Variants in XRCC1 observed in about 807,000 individuals in gnomAD.
XRCC1 encodes the protein DNA repair protein XRCC1.
In XRCC1, 52 loss-of-function variants were observed where a neutral mutation model predicts 83.3. The observed-to-expected ratio is 0.62, with a 90% CI of 0.50 to 0.79. The LOEUF is 0.79. XRCC1 is among the 30% of genes least tolerant of loss of function. The pLI, the probability that XRCC1 is intolerant of heterozygous loss-of-function variation, is 0.00. For synonymous variants in XRCC1, 281 were observed against 312.6 expected, an observed-to-expected ratio of 0.90 and a Z score of 1.07; for missense variants, 793 against 823.5, an observed-to-expected ratio of 0.96 and a Z score of 0.45.
chr19:43,544,247 A>G lies in XRCC1; in HGVS notation c.1622-13T>C, dbSNP rs767447284. On this transcript the variant is annotated splice_polypyrimidine_tract_variant and intron_variant, in intron 14 of 16. Coordinates refer to ENST00000262887, the MANE Select transcript of XRCC1 (RefSeq NM_006297.3). ...CCCTGGAAGAAATCTGCAGGAGAGAAGGGGGCTAAGGTAAGCATGAGGCCC... is the reference window on the plus strand; with the variant it reads ...CCCTGGAAGAAATCTGCAGGAGAGAGGGGGGCTAAGGTAAGCATGAGGCCC... 1 of 1,598,748 alleles carries G rather than the reference A, an allele frequency of 6.3e-7. No individual in the cohort carries two copies. The highest frequency in any genetic ancestry group is 8.5e-7 in the Non-Finnish European group (1 of 1,172,038).
intron 2 of XRCC1, among the ~76,000 whole-genome samples, chr19:43,567,603 C>T (rs1365276332): frequency 1.3e-5 from 2 of 151,978 alleles, no homozygotes; most frequent in African/African-American, 2.4e-5. Flanking sequence ...TGAGCTACCG[C>T]ATCTGGCTGA....
In XRCC1 at chr19:43,551,568, T is replaced by C. The variant is rs1208286009; in HGVS notation, c.1199+3A>G. 4 of 1,613,406 alleles carry C rather than the reference T, an allele frequency of 2.5e-6. No individual in the cohort carries two copies. The highest frequency in any genetic ancestry group is 3.4e-6 in the Non-Finnish European group (4 of 1,179,400). On this transcript the variant is annotated splice_donor_region_variant and intron_variant, in intron 10 of 16. Coordinates refer to ENST00000262887, the MANE Select transcript of XRCC1 (RefSeq NM_006297.3). ...GGAGCAGGGTTGGCGTGTGAGGCCT[T>C]ACCTCTGGGAGGGCAGCCGCCGACG...
intron 3 of XRCC1, among the ~76,000 whole-genome samples, chr19:43,559,429 G>A (rs752571895): frequency 5.8e-4 from 74 of 126,918 alleles, no homozygotes; most frequent in Non-Finnish European, 8.0e-4. Context: ...GCAGTGAGCC[G>A]AGATCGCGCC....
intron 4 of XRCC1, 179 bp from the exon 5 acceptor site, chr19:43,553,862 C>T: frequency 1.9e-6 from 1 of 534,540 alleles, no homozygotes; most frequent in East Asian, 2.9e-5. Context: ...ATGACTGAGC[C>T]CTAACTCTGA....
At chr19:43,546,182 G>A in intron 12 of XRCC1, 76 bp from the exon 13 acceptor site, 2 of 1,551,392 alleles carry the variant, frequency 1.3e-6, no homozygotes, top group Non-Finnish European at 1.8e-6. Context: ...GTATGGCACA[G>A]ACCCAGGCAT....
chr19:43,548,487 T>A (rs1245327815), intron 10 of XRCC1, among the ~76,000 whole-genome samples: 2 of 152,182 alleles, frequency 1.3e-5, no homozygotes, highest in African/African-American at 4.8e-5. Flanking sequence ...AACCCTGTGC[T>A]CTCTGAAACA....
chr19:43,575,344 C>G (rs1972845855), intron 1 of XRCC1, 64 bp downstream of exon 1: 1 of 1,511,906 alleles, frequency 6.6e-7, no homozygotes, highest in East Asian at 2.3e-5. Context: ...CCCAAAAGCT[C>G]TTTTAAGAGC....
Position 43,544,248 on chromosome 19 carries a change from G to A in XRCC1, c.1622-14C>T, listed in dbSNP as rs1360460786. ...CCTGGAAGAAATCTGCAGGAGAGAAGGGGGCTAAGGTAAGCATGAGGCCCC... is the reference window on the plus strand; with the variant it reads ...CCTGGAAGAAATCTGCAGGAGAGAAAGGGGCTAAGGTAAGCATGAGGCCCC... On this transcript the variant is annotated splice_polypyrimidine_tract_variant and intron_variant, in intron 14 of 16. Transcript: ENST00000262887. The A allele has an allele frequency of 3.1e-6, 5 of 1,598,588 alleles. No individual in the cohort carries two copies. The highest frequency in any genetic ancestry group is 4.3e-6 in the Non-Finnish European group (5 of 1,171,944).
At chr19:43,557,792 C>CAAAAAAAAAAAA (rs35267441) in intron 3 of XRCC1, among the ~76,000 whole-genome samples, 2 of 41,016 alleles carry the variant, frequency 4.9e-5, no homozygotes, top group East Asian at 1.9e-3. Flanking sequence ...AATTCCATCT[C>CAAAAAAAAAAAA]AAAAAAAAAA....
intron 8 of XRCC1, among the ~76,000 whole-genome samples, chr19:43,552,482 T>C (rs1315843234): frequency 4.5e-5 from 1 of 22,364 alleles, no homozygotes; most frequent in Non-Finnish European, 8.7e-5. Context: ...CAGCCCCTCC[T>C]CCCTCAGGCC....
At chr19:43,551,095 G>A (rs1320002499) in intron 10 of XRCC1, among the ~76,000 whole-genome samples, 1 of 152,186 alleles carries the variant, frequency 6.6e-6, no homozygotes, top group Non-Finnish European at 1.5e-5. Context: ...AGCCTTCCGA[G>A]TAACTGGGAT....
At chr19:43,562,838 G>A (rs760045691) in intron 2 of XRCC1, among the ~76,000 whole-genome samples, 10 of 152,284 alleles carry the variant, frequency 6.6e-5, no homozygotes, top group African/African-American at 2.4e-4. Context: ...TGCACTGAGC[G>A]CTCCTGGTGT....
intron 15 of XRCC1, 78 bp downstream of exon 15, chr19:43,544,066 C>T (rs1390210464): frequency 1.5e-6 from 2 of 1,363,270 alleles, no homozygotes; most frequent in Non-Finnish European, 1.0e-6. Context: ...TTTCCCACAC[C>T]CCCACCCCTC....
chr19:43,572,989 G>C (rs1216176873), intron 2 of XRCC1, among the ~76,000 whole-genome samples: 1 of 137,956 alleles, frequency 7.2e-6, no homozygotes, highest in Non-Finnish European at 1.5e-5. Flanking sequence ...CCGGAGTGCA[G>C]TGAAACCATC....
rs1327801525 is a variant in XRCC1 at position 43,544,250 on chromosome 19, G to T, written c.1622-16C>A. ...TGGAAGAAATCTGCAGGAGAGAAGG[G>T]GGCTAAGGTAAGCATGAGGCCCCAG... On this transcript the variant is annotated splice_polypyrimidine_tract_variant and intron_variant, in intron 14 of 16. Coordinates refer to ENST00000262887, the MANE Select transcript of XRCC1 (RefSeq NM_006297.3). 1 of 1,597,966 alleles carries T rather than the reference G, an allele frequency of 6.3e-7. No individual in the cohort carries two copies. Among genetic ancestry groups the T allele is most frequent in the South Asian group, 1.1e-5 (1 of 88,576 alleles).
At chr19:43,568,977 T>TAA (rs34220562) in intron 2 of XRCC1, among the ~76,000 whole-genome samples, 82 of 137,138 alleles carry the variant, frequency 6.0e-4, no homozygotes, top group East Asian at 1.7e-3. Context: ...CCAAAAAGCT[T>TAA]AAAAAAAAAA....
intron 10 of XRCC1, among the ~76,000 whole-genome samples, chr19:43,548,223 T>A (rs887767445): frequency 6.6e-6 from 1 of 151,882 alleles, no homozygotes; most frequent in Non-Finnish European, 1.5e-5. Context: ...GGCCGCCCCT[T>A]CTGGGAAGTG....
At chr19:43,555,518 C>G (rs1017788851) in intron 3 of XRCC1, 3 of 152,226 alleles carry the variant, frequency 2.0e-5, no homozygotes, top group African/African-American at 7.2e-5. Flanking sequence ...TGCAGTGTCC[C>G]AATACCTCCA....
In XRCC1 at chr19:43,575,168, C is replaced by T. The variant is rs538982076; in HGVS notation, c.52-166G>A. On this transcript the variant is annotated intron_variant, in intron 1 of 16. Coordinates refer to ENST00000262887, the MANE Select transcript of XRCC1 (RefSeq NM_006297.3). ...CCTGGAGTTTCCCCTACAACACTTTCCCGTGGAAGTTCACCTATGGGCTCT... is the reference window on the plus strand; with the variant it reads ...CCTGGAGTTTCCCCTACAACACTTTTCCGTGGAAGTTCACCTATGGGCTCT... Among the ~76,000 whole-genome samples, 8 of 152,292 alleles carry T rather than the reference C, an allele frequency of 5.3e-5. No individual in the cohort carries two copies. The South Asian group carries it at 1.2e-3, about 24-fold the overall frequency.
Sources: gnomAD v4.1 joint callset for allele counts (sites outside exome capture counted in the v4.1 genomes callset) on GRCh38, gnomAD v4.1.1 for gene constraint, MANE v1.5 for transcripts, NCBI Gene and HGNC (gene_info 2026-07-23, HGNC 2026-07-21) for gene names.